TP63: variants seen among roughly 807,000 people sequenced by gnomAD.
The protein encoded by TP63 is tumor protein p63.
TP63 carries 17 observed loss-of-function variants against 82.8 expected under a neutral mutation model. The observed-to-expected ratio is 0.21, with a 90% CI of 0.14 to 0.31. The LOEUF is 0.31. Ranked by LOEUF, TP63 falls within the 10% of genes least tolerant of loss-of-function variation. The probability of loss-of-function intolerance (pLI) is 1.00; values close to 1 mark genes in which losing one functional copy is unlikely to be tolerated. For missense variants in TP63, 648 were observed against 895.3 expected (o/e 0.72, Z 3.52); for synonymous variants, 330 against 321.7 (o/e 1.03, Z -0.28).
chr3:189,743,859 A>C (rs1721178077), intron 3 of TP63, among the ~76,000 whole-genome samples: 1 of 152,170 alleles, frequency 6.6e-6, no homozygotes. Context: ...CTCACGGTCC[A>C]CATTACCACC....
At chr3:189,750,223 C>G (rs1252631948) in intron 3 of TP63, among the ~76,000 whole-genome samples, 1 of 150,022 alleles carries the variant, frequency 6.7e-6, no homozygotes, top group Non-Finnish European at 1.5e-5. Context: ...CACAGAAAGA[C>G]AAATATTGTA....
chr3:189,788,702 A>C (rs1164360231), intron 3 of TP63, among the ~76,000 whole-genome samples: 1 of 151,984 alleles, frequency 6.6e-6, no homozygotes, highest in Admixed American at 6.6e-5. Context: ...ATCTCCACTA[A>C]ATCTTCGTAC....
At chr3:189,625,276 C>A in the TP63 span, among the ~76,000 whole-genome samples, 1 of 152,208 alleles carries the variant, frequency 6.6e-6, no homozygotes, top group East Asian at 1.9e-4. Flanking sequence ...AAAAAGAGAG[C>A]AATTCCTGAT....
intron 4 of TP63, among the ~76,000 whole-genome samples, chr3:189,862,151 T>C (rs1196193891): frequency 1.3e-5 from 2 of 152,216 alleles, no homozygotes; most frequent in Non-Finnish European, 2.9e-5. Context: ...TCATATGTTA[T>C]GCAAACTACT....
At chr3:189,835,673 C>A (rs1002699539) in intron 4 of TP63, among the ~76,000 whole-genome samples, 29 of 151,854 alleles carry the variant, frequency 1.9e-4, no homozygotes, top group African/African-American at 7.0e-4. Context: ...CCTGTAATCC[C>A]AGCACTTTGG....
intron 4 of TP63, among the ~76,000 whole-genome samples, chr3:189,843,752 G>A (rs1461640654): frequency 6.6e-6 from 1 of 152,108 alleles, no homozygotes; most frequent in Non-Finnish European, 1.5e-5. Flanking sequence ...AAAAATCCGG[G>A]GCCAAAGTTG....
intron 3 of TP63, among the ~76,000 whole-genome samples, chr3:189,778,397 C>A (rs1678691759): frequency 6.6e-6 from 1 of 152,110 alleles, no homozygotes; most frequent in African/African-American, 2.4e-5. Context: ...TTTACTTTAG[C>A]CTTCATTTTT....
the TP63 span, among the ~76,000 whole-genome samples, chr3:189,625,315 C>G: frequency 2.6e-5 from 4 of 152,158 alleles, no homozygotes; most frequent in African/African-American, 9.6e-5. Flanking sequence ...CACGGCATCA[C>G]TTTTGTGATA....
At chr3:189,687,671 C>G (rs1173784108) in intron 1 of TP63, among the ~76,000 whole-genome samples, 1 of 152,196 alleles carries the variant, frequency 6.6e-6, no homozygotes, top group African/African-American at 2.4e-5. Context: ...AAATATCAAG[C>G]TTCAAATGGG....
chr3:189,824,223 TA>T (rs1729094757), intron 4 of TP63, among the ~76,000 whole-genome samples: 1 of 151,696 alleles, frequency 6.6e-6, no homozygotes, highest in African/African-American at 2.4e-5. Context: ...TTATTATTAT[TA>T]TTTTTTTTTT....
chr3:189,742,358 T>C (rs182728536), intron 3 of TP63, among the ~76,000 whole-genome samples: 180 of 151,982 alleles, frequency 1.2e-3, no homozygotes, highest in Admixed American at 2.4e-3. Flanking sequence ...ATATTAACAC[T>C]TAAAAGTTCT....
chr3:189,885,574 A>G (rs1720360099), intron 10 of TP63, among the ~76,000 whole-genome samples: 1 of 152,222 alleles, frequency 6.6e-6, no homozygotes, highest in South Asian at 2.1e-4. Flanking sequence ...TTTTTATATT[A>G]AGATAAAACA....
In TP63 at chr3:189,866,773, G is replaced by T. The variant is rs767045923; in HGVS notation, c.858G>T (p.Val286=). 1.9e-6 allele frequency: 3 copies of T among 1,614,064 alleles called. No individual in the cohort carries two copies. The South Asian group carries it at 3.3e-5, about 18-fold the overall frequency. The change falls in exon 6 of 14, where the codon GTG becomes GTT. Residue 286 remains valine (V), a synonymous_variant. Coordinates refer to ENST00000264731, the MANE Select transcript of TP63 (RefSeq NM_003722.5). The part of the protein sequence containing the change: ...VEDPITGRQS[V]LVPYEPPQVG... ...ATCCCATCACAGGAAGACAGAGTGT[G>T]CTGGTACCTTATGAGCCACCCCAGG...
At chr3:189,628,414 G>C (rs75607275), upstream of TP63, among the ~76,000 whole-genome samples, 2 of 152,232 alleles carry the variant, frequency 1.3e-5, no homozygotes, top group East Asian at 1.9e-4. Context: ...TTGTATCATA[G>C]ACACCTGAGT....
chr3:189,704,012 C>T (rs1718015673), intron 1 of TP63, among the ~76,000 whole-genome samples: 1 of 152,222 alleles, frequency 6.6e-6, no homozygotes, highest in Non-Finnish European at 1.5e-5. Context: ...ATTAAGGACA[C>T]TTTGTTGTTC....
intron 1 of TP63, among the ~76,000 whole-genome samples, chr3:189,680,812 G>A (rs1715842939): frequency 6.6e-6 from 1 of 152,102 alleles, no homozygotes; most frequent in African/African-American, 2.4e-5. Context: ...GGTACAAGGG[G>A]TCCATCCTAA....
At chr3:189,832,492 C>A (rs546761503) in intron 4 of TP63, among the ~76,000 whole-genome samples, 14 of 152,282 alleles carry the variant, frequency 9.2e-5, no homozygotes, top group African/African-American at 3.1e-4. Context: ...AGTGACATAG[C>A]AAGCAAGGGT....
At chr3:189,807,331 C>G (rs186867648) in intron 3 of TP63, among the ~76,000 whole-genome samples, 2 of 152,228 alleles carry the variant, frequency 1.3e-5, no homozygotes, top group South Asian at 2.1e-4. Context: ...GGCAAATGCT[C>G]TACCTCTCCG....
intron 10 of TP63, chr3:189,880,020 G>A: frequency 1.9e-6 from 3 of 1,607,464 alleles, no homozygotes; most frequent in Non-Finnish European, 2.5e-6. Context: ...AATAGATGAA[G>A]TCCTAGGCCT....
Sources: gnomAD v4.1 joint callset for allele counts (sites outside exome capture counted in the v4.1 genomes callset) on GRCh38, gnomAD v4.1.1 for gene constraint, MANE v1.5 for transcripts, NCBI Gene and HGNC (gene_info 2026-07-23, HGNC 2026-07-21) for gene names.